The following HNRNPM variants were observed in gnomAD, a reference collection of about 807,000 sequenced individuals.
The protein encoded by HNRNPM is CEA receptor.
A neutral mutation model predicts 73.1 loss-of-function variants in HNRNPM; 11 were observed. The observed-to-expected ratio is 0.15, with a 90% CI of 0.09 to 0.25. HNRNPM has a LOEUF of 0.25. Ranked by LOEUF, HNRNPM falls within the 10% of genes least tolerant of loss-of-function variation. The pLI is 1.00. For synonymous variants in HNRNPM, 407 were observed against 355.2 expected, an observed-to-expected ratio of 1.15 and a Z score of -1.64; for missense variants, 789 against 1,067.9, an observed-to-expected ratio of 0.74 and a Z score of 3.64.
rs1367720031 is a variant in HNRNPM, at chr19:8,486,312, C to G, written c.1884C>G (p.Gly628=). The G allele has an allele frequency of 6.2e-7, 1 of 1,600,064 alleles. No homozygotes were observed. The highest frequency in any genetic ancestry group is 8.5e-7 in the Non-Finnish European group (1 of 1,179,864). ...ACCGTGCCATCGAGATGGAGCGTGG[C>G]AACTTCGGAGGAAGCTTCGCAGGTT... The part of the protein sequence containing the change: ...SFDRAIEMER[G]NFGGSFAGSF... Residue 628 remains glycine (G), a synonymous_variant, in exon 14 of 16, where the codon GGC becomes GGG. Coordinates refer to ENST00000325495, the MANE Select transcript of HNRNPM (RefSeq NM_005968.5).
intron 12 of HNRNPM, among the ~76,000 whole-genome samples, chr19:8,477,660 CAAAAAAAA>C (rs35193948): frequency 8.5e-6 from 1 of 117,094 alleles, no homozygotes; most frequent in African/African-American, 3.7e-5. Flanking sequence ...AACCCTGTCT[CAAAAAAAA>C]AAAAAAAAAA....
chr19:8,487,213 G>A, intron 15 of HNRNPM, 138 bp downstream of exon 15: 2 of 758,070 alleles, frequency 2.6e-6, no homozygotes, highest in South Asian at 2.8e-5. Context: ...CCACGCCAAT[G>A]CTCAGGCAGG....
chr19:8,486,362 C>T lies in HNRNPM; in HGVS notation c.1934C>T (p.Ala645Val), dbSNP rs369062596. Residue 645 changes from alanine (A) to valine (V), a missense_variant, in exon 14 of 16, where the codon GCT becomes GTT. Coordinates refer to ENST00000325495, the MANE Select transcript of HNRNPM (RefSeq NM_005968.5). The stretch of plus-strand genomic sequence containing the variant: ...TCCTTTGGTGGAGCTGGAGGCCATG[C>T]TCCTGGGGTGGCCAGGAAGGCCTGC... ...AGSFGGAGGH[A>V]PGVARKACQI... 12 of 1,585,226 alleles carry T rather than the reference C, an allele frequency of 7.6e-6. No individual in the cohort carries two copies. In the African/African-American group the frequency reaches 1.3e-4, roughly 18 times the overall value.
rs1969847546 is a variant in HNRNPM at position 8,467,664 on chromosome 19, C to T, written c.834+80C>T. The T allele has an allele frequency of 7.9e-6, 8 of 1,008,836 alleles. No individual in the cohort carries two copies. In the East Asian group the frequency reaches 1.9e-4, roughly 24 times the overall value. The allele number at this position is 1,008,836 out of a possible 1,614,324, so 62.5% of individuals were successfully genotyped here. ...ATTAATAAGAGTGTACATATAGCCA[C>T]TATGAAATATTTGTGGATTAGTCTA... On this transcript the variant is annotated intron_variant, in intron 8 of 15. Coordinates refer to ENST00000325495, the MANE Select transcript of HNRNPM (RefSeq NM_005968.5).
At chr19:8,467,001 A>G (rs781357556) in intron 7 of HNRNPM, among the ~76,000 whole-genome samples, 1 of 152,080 alleles carries the variant, frequency 6.6e-6, no homozygotes, top group Non-Finnish European at 1.5e-5. Context: ...TACTAGAGAG[A>G]AAGTGGGGTT....
At chr19:8,458,686 A>G (rs1969191613) in intron 2 of HNRNPM, among the ~76,000 whole-genome samples, 2 of 152,270 alleles carry the variant, frequency 1.3e-5, no homozygotes, top group East Asian at 1.9e-4. Context: ...TTGTGTAAGC[A>G]AAGATTTCTT....
chr19:8,464,450 A>G (rs2145664416), intron 5 of HNRNPM, among the ~76,000 whole-genome samples: 1 of 152,178 alleles, frequency 6.6e-6, no homozygotes, highest in South Asian at 2.1e-4. Flanking sequence ...CTTGACCAAC[A>G]TGGTGAAACC....
intron 7 of HNRNPM, 146 bp downstream of exon 7, chr19:8,466,534 T>G: frequency 1.1e-6 from 1 of 889,918 alleles, no homozygotes; most frequent in Non-Finnish European, 1.8e-6. Flanking sequence ...AATTAAGAGG[T>G]TCTCTGGGCC....
In HNRNPM at chr19:8,459,270, A is replaced by G. The variant is rs185705581; in HGVS notation, c.284-3259A>G. ...AAAGCGTTCATATGTATGAATACTT[A>G]GGTTGAGCCCCAGCAGTGCAGCCTG... On this transcript the variant is annotated intron_variant, in intron 2 of 15. Transcript: ENST00000325495. 1.6e-4 allele frequency among the ~76,000 whole-genome samples: 24 copies of G among 152,316 alleles called. No homozygotes were observed. In the East Asian group the frequency reaches 4.6e-3, roughly 29 times the overall value.
In HNRNPM at chr19:8,485,922, C is replaced by T. The variant is rs754168910; in HGVS notation, c.1494C>T (p.Ala498=). The part of the protein sequence containing the change: ...AGMGFGLERM[A]APIDRVGQTI... ...TGGGCTTCGGCCTTGAGCGCATGGC[C>T]GCTCCCATCGACCGTGTGGGCCAGA... The change falls in exon 14 of 16, where the codon GCC becomes GCT. Residue 498 remains alanine, a synonymous_variant. Transcript: ENST00000325495. 2.9e-5 allele frequency: 47 copies of T among 1,604,978 alleles called. No individual in the cohort carries two copies. The highest frequency in any genetic ancestry group is 1.1e-4 in the East Asian group (5 of 44,798).
chr19:8,466,450 T>TAGTAATGTGAGGAAG lies in HNRNPM; in HGVS notation c.784+64_784+65insTAATGTGAGGAAGAG, dbSNP rs1969750084. On this transcript the variant is annotated intron_variant, in intron 7 of 15. Transcript: ENST00000325495. Reference sequence around the variant, plus strand: ...GACCTAAATTGCTGTGTTAGTAATGTAGGTTTGTGTGAGGAAGAGGTGACT... The same window carrying TAGTAATGTGAGGAAG: ...GACCTAAATTGCTGTGTTAGTAATGTAGTAATGTGAGGAAGAGGTTTGTGTGAGGAAGAGGTGACT... 5.3e-6 allele frequency: 8 copies of TAGTAATGTGAGGAAG among 1,517,848 alleles called. No individual in the cohort carries two copies. The Admixed American group carries it at 1.4e-4, about 26-fold the overall frequency. 94.0% of individuals were successfully genotyped at this position (1,517,848 alleles called of 1,614,324 possible). A position where few individuals can be genotyped will look rare whatever the true frequency, so the allele number is the denominator to read the frequency against.
rs1168173439 is a variant in HNRNPM, at chr19:8,462,057, G to T, written c.284-472G>T. The T allele has an allele frequency of 6.3e-6, 1 of 158,700 alleles. No homozygotes were observed. Among genetic ancestry groups the T allele is most frequent in the Non-Finnish European group, 1.4e-5 (1 of 71,532 alleles). The allele number at this position is 158,700 out of a possible 1,614,324, so 9.8% of individuals were successfully genotyped here. Reference sequence around the variant, plus strand: ...TGTGAAGCTGGCCCTGCGGCCGTGTGTGCCTGTGAGCTTATACCTTCGCAT... The same window carrying T: ...TGTGAAGCTGGCCCTGCGGCCGTGTTTGCCTGTGAGCTTATACCTTCGCAT... On this transcript the variant is annotated intron_variant, in intron 2 of 15. Transcript: ENST00000325495. The surrounding 1 kb of genome is among the most constrained non-coding windows in gnomAD (Gnocchi z 4.5).
chr19:8,463,422 ATTGATATTTACTATTTT>A (rs1220812312), intron 3 of HNRNPM, 58 bp from the exon 4 acceptor site: 2 of 1,426,636 alleles, frequency 1.4e-6, no homozygotes, highest in Non-Finnish European at 2.0e-6. Flanking sequence ...TATAACTGTC[ATTGATATTTACTATTTT>A]TTTCTTTTCT....
At chr19:8,475,397 TTACACA>T (rs1236523331) in intron 12 of HNRNPM, among the ~76,000 whole-genome samples, 2 of 152,264 alleles carry the variant, frequency 1.3e-5, no homozygotes, top group Non-Finnish European at 2.9e-5. Flanking sequence ...TGCTGCTTTT[TTACACA>T]GAAACTTTCT....
chr19:8,445,657 C>T (rs114919186), intron 1 of HNRNPM: 6,140 of 152,490 alleles, frequency 0.04, 280 homozygotes, highest in African/African-American at 0.11. Context: ...CCTGCCCCGC[C>T]CCTTAGTCCC....
chr19:8,450,328 A>G (rs1391981379), intron 1 of HNRNPM, among the ~76,000 whole-genome samples: 1 of 152,172 alleles, frequency 6.6e-6, no homozygotes, highest in Non-Finnish European at 1.5e-5. Context: ...TACGCATGGG[A>G]ACTGCATGGA....
At chr19:8,472,438 A>C (rs1383602949) in intron 10 of HNRNPM, among the ~76,000 whole-genome samples, 4 of 152,154 alleles carry the variant, frequency 2.6e-5, no homozygotes, top group Non-Finnish European at 4.4e-5. Context: ...TCTGGGCCAC[A>C]ACTTCAAATG....
At chr19:8,473,788 A>T in intron 11 of HNRNPM, 80 bp downstream of exon 11, 1 of 908,378 alleles carries the variant, frequency 1.1e-6, no homozygotes, top group South Asian at 1.5e-5. Flanking sequence ...TTCTTGTTTA[A>T]ACCCTGCATG....
At chr19:8,454,925 C>T (rs1337080657) in intron 1 of HNRNPM, among the ~76,000 whole-genome samples, 2 of 152,072 alleles carry the variant, frequency 1.3e-5, no homozygotes, top group Non-Finnish European at 2.9e-5. Flanking sequence ...ATGCTTTCTG[C>T]CCTGTGGAGC....
Sources: allele counts gnomAD v4.1 joint callset (sites outside exome capture counted in the v4.1 genomes callset), GRCh38; gene constraint gnomAD v4.1.1; non-coding constraint Gnocchi (gnomAD v3.1); transcripts MANE v1.5; gene names NCBI Gene and HGNC (gene_info 2026-07-23, HGNC 2026-07-21).